KLHL18: variants seen among roughly 807,000 people sequenced by gnomAD.
KLHL18 encodes the protein kelch like family member 18, also known as kelch-like protein 18.
Under a neutral mutation model 58.5 loss-of-function variants are expected in KLHL18, and 38 were observed. The observed-to-expected ratio is 0.65, with a 90% confidence interval of 0.50 to 0.85. KLHL18 has a LOEUF of 0.85. KLHL18 is among the 40% of genes least tolerant of loss of function. The pLI is 0.00. For synonymous variants in KLHL18, 303 were observed against 301.9 expected (o/e 1.00, Z -0.04); for missense variants, 624 against 778.4 (o/e 0.80, Z 2.36).
At chr3:47,333,441 A>G (rs1703914290) in intron 5 of KLHL18, 124 bp downstream of exon 5, 1 of 947,960 alleles carries the variant, frequency 1.1e-6, no homozygotes, top group Admixed American at 2.9e-5. Flanking sequence ...TGGCACACAG[A>G]TTGGTCTGCC....
intron 1 of KLHL18, among the ~76,000 whole-genome samples, chr3:47,307,617 TG>T (rs1302696703): frequency 6.6e-6 from 1 of 152,028 alleles, no homozygotes; most frequent in Non-Finnish European, 1.5e-5. Flanking sequence ...CCCAAACTCC[TG>T]GGCTCAGGCA....
intron 1 of KLHL18, among the ~76,000 whole-genome samples, chr3:47,296,324 T>G (rs566745292): frequency 1.9e-4 from 29 of 152,338 alleles, no homozygotes; most frequent in African/African-American, 6.5e-4. Context: ...TTCAAGCACT[T>G]AAAAGTATTT....
intron 3 of KLHL18, 68 bp from the exon 4 acceptor site, chr3:47,329,883 A>T: frequency 7.2e-7 from 1 of 1,393,462 alleles, no homozygotes; most frequent in Non-Finnish European, 1.0e-6. Context: ...ACCCAGAACC[A>T]GCCTGAGAAT....
chr3:47,317,330 T>A (rs1576162946), intron 1 of KLHL18, among the ~76,000 whole-genome samples: 3 of 152,240 alleles, frequency 2.0e-5, no homozygotes, highest in Non-Finnish European at 1.5e-5. Flanking sequence ...GCCAGGCTGG[T>A]CTCGAACCCC....
At chr3:47,297,733 GA>G (rs1702926586) in intron 1 of KLHL18, 1 of 433,298 alleles carries the variant, frequency 2.3e-6, no homozygotes, top group Non-Finnish European at 4.6e-6. Flanking sequence ...ATTTTTAGAT[GA>G]AATAGGCTTT....
intron 1 of KLHL18, among the ~76,000 whole-genome samples, chr3:47,284,545 CAGGCTGG>C (rs1039420848): frequency 6.6e-6 from 1 of 151,924 alleles, no homozygotes; most frequent in African/African-American, 2.4e-5. Context: ...CCATGTTGCT[CAGGCTGG>C]TCTCGAACTC....
At chr3:47,295,446 T>A (rs1403653488) in intron 1 of KLHL18, among the ~76,000 whole-genome samples, 3 of 152,210 alleles carry the variant, frequency 2.0e-5, no homozygotes, top group Non-Finnish European at 4.4e-5. Flanking sequence ...TCCTTTGGCT[T>A]GGAGTATCTG....
intron 1 of KLHL18, among the ~76,000 whole-genome samples, chr3:47,292,478 A>G (rs951498377): frequency 6.6e-6 from 1 of 152,110 alleles, no homozygotes; most frequent in Non-Finnish European, 1.5e-5. Context: ...CCATCTCAAA[A>G]AAAAAAAAGC....
intron 3 of KLHL18, among the ~76,000 whole-genome samples, chr3:47,324,298 C>CTTTTTTTTTTTTTTTTTTTTTTTTTT: frequency 0.018 from 682 of 37,476 alleles, 281 homozygotes; most frequent in Non-Finnish European, 0.021. Context: ...TTCTTTCTTT[C>CTTTTTTTTTTTTTTTTTTTTTTTTTT]TTTTTTTTTT....
intron 2 of KLHL18, 43 bp downstream of exon 2, chr3:47,319,826 T>G: frequency 6.2e-7 from 1 of 1,606,384 alleles, no homozygotes; most frequent in Non-Finnish European, 8.5e-7. Flanking sequence ...GCTTTCCAAG[T>G]GCAGTTTCAG....
At chr3:47,337,550 A>G (rs295453) in intron 7 of KLHL18, 146,279 of 152,620 alleles carry the variant, frequency 0.96, 70,426 homozygotes, top group East Asian at 1. Context: ...AGCTGCCCAG[A>G]GCCCCCTGGC....
intron 1 of KLHL18, among the ~76,000 whole-genome samples, chr3:47,289,346 T>C (rs2107575500): frequency 6.6e-6 from 1 of 152,310 alleles, no homozygotes; most frequent in South Asian, 2.1e-4. Flanking sequence ...CAGAAGGAAA[T>C]GTTTTTTCCA....
At position 47,333,189 on chromosome 3, in the gene KLHL18, C is replaced by T. The variant is rs778197935; in HGVS notation, c.633C>T (p.Tyr211=). The change falls in exon 5 of 10, where the codon TAC becomes TAT. Residue 211 remains tyrosine, a synonymous_variant. Transcript: ENST00000232766. ...AAGCTGCATTGGCCTGGGTCAGATA[C>T]GACCGGGAGCAGAGGGGTCCCTACC... is the stretch of plus-strand genomic sequence containing the variant. The part of the protein sequence containing the change: ...VFEAALAWVR[Y]DREQRGPYLP... 9 of 1,613,810 alleles carry T rather than the reference C, an allele frequency of 5.6e-6. No individual in the cohort carries two copies. Among genetic ancestry groups the T allele is most frequent in the Admixed American group, 3.3e-5 (2 of 59,968 alleles).
chr3:47,314,560 T>C (rs1703378798), intron 1 of KLHL18, among the ~76,000 whole-genome samples: 4 of 152,090 alleles, frequency 2.6e-5, no homozygotes, highest in Admixed American at 2.6e-4. Context: ...CTCGAACTCC[T>C]GGGCTCAAGC....
rs1305867880 is a variant in KLHL18 at position 47,334,629 on chromosome 3, G to A, written c.762-54G>A. 73 of 1,596,698 alleles carry A rather than the reference G, an allele frequency of 4.6e-5. No homozygotes were observed. Among genetic ancestry groups the A allele is most frequent in the Non-Finnish European group, 5.7e-5 (67 of 1,166,786 alleles). ...GAGAGCCAGGCTCAGAGATGCAAAC[G>A]AGGACTAAGTCAGGGGGATACCTCC... On this transcript the variant is annotated intron_variant, in intron 5 of 9. Coordinates refer to ENST00000232766, the MANE Select transcript of KLHL18 (RefSeq NM_025010.5). This position sits in a 1 kb window ranked among gnomAD's most constrained non-coding sequence, Gnocchi z 4.7.
At chr3:47,297,114 C>T (rs900749721) in intron 1 of KLHL18, among the ~76,000 whole-genome samples, 2 of 152,194 alleles carry the variant, frequency 1.3e-5, no homozygotes, top group Non-Finnish European at 2.9e-5. Context: ...TGGTCAGCTA[C>T]TTCCTTCCTC....
chr3:47,335,299 GA>G (rs1257993927), intron 6 of KLHL18, among the ~76,000 whole-genome samples: 4 of 152,136 alleles, frequency 2.6e-5, no homozygotes, highest in Non-Finnish European at 4.4e-5. Context: ...GTCCCCAAGA[GA>G]AAGATTATCC....
chr3:47,337,855 T>C (rs1447354667), intron 7 of KLHL18: 4 of 152,270 alleles, frequency 2.6e-5, no homozygotes, highest in African/African-American at 7.2e-5. Context: ...CATTGCTCCG[T>C]GTCCCCAACC....
At chr3:47,305,752 A>G (rs1197027507) in intron 1 of KLHL18, among the ~76,000 whole-genome samples, 1 of 152,096 alleles carries the variant, frequency 6.6e-6, no homozygotes, top group Non-Finnish European at 1.5e-5. Context: ...TTTCTTTTTC[A>G]AGCATTTTAA....
Sources: allele counts gnomAD v4.1 joint callset (sites outside exome capture counted in the v4.1 genomes callset), GRCh38; gene constraint gnomAD v4.1.1; non-coding constraint Gnocchi (gnomAD v3.1); transcripts MANE v1.5; gene names NCBI Gene and HGNC (gene_info 2026-07-23, HGNC 2026-07-21).